ARID5B: variants seen among roughly 807,000 people sequenced by gnomAD.
The protein encoded by ARID5B is AT-rich interaction domain 5B.
A neutral mutation model predicts 97.2 loss-of-function variants in ARID5B; 13 were observed. That is an observed-to-expected ratio of 0.13 (90% CI 0.09 to 0.21). ARID5B has a LOEUF of 0.21. Among genes scored for constraint, ARID5B ranks in the 10% least tolerant of loss-of-function variants. The pLI, the probability that ARID5B is intolerant of heterozygous loss-of-function variation, is 1.00. For synonymous variants in ARID5B, 556 were observed against 570.3 expected, an observed-to-expected ratio of 0.97 and a Z score of 0.36; for missense variants, 1,210 against 1,465.3, an observed-to-expected ratio of 0.83 and a Z score of 2.84.
chr10:62,089,739 G>T (rs1383503566), intron 9 of ARID5B, among the ~76,000 whole-genome samples: 1 of 151,904 alleles, frequency 6.6e-6, no homozygotes, highest in Non-Finnish European at 1.5e-5. Flanking sequence ...TGTTGACCAG[G>T]CTGGTCTTGA....
chr10:61,991,946 C>G (rs565444711), intron 3 of ARID5B, among the ~76,000 whole-genome samples: 64 of 152,108 alleles, frequency 4.2e-4, no homozygotes, highest in Non-Finnish European at 8.7e-4. Flanking sequence ...GTAGGAGAAT[C>G]GCTTGAACCC....
chr10:62,076,574 A>C (rs1230933633), intron 8 of ARID5B, among the ~76,000 whole-genome samples: 1 of 151,752 alleles, frequency 6.6e-6, no homozygotes, highest in Non-Finnish European at 1.5e-5. Context: ...AAAAAAAAAA[A>C]AAAACTACAT....
At chr10:61,996,450 G>A (rs1838998000) in intron 3 of ARID5B, among the ~76,000 whole-genome samples, 1 of 152,106 alleles carries the variant, frequency 6.6e-6, no homozygotes, top group African/African-American at 2.4e-5. Flanking sequence ...AGCTACTCAG[G>A]AGGCAGAGGT....
In ARID5B at chr10:62,096,187, GT is replaced by G. The variant is rs1235746381; in HGVS notation, c.*3160del. ...TGTTTATCAGGGCATATACAGAAGG[GT>G]TTGTTAAAACTCGATGTTAACTTTA... is the stretch of plus-strand genomic sequence containing the variant. On this transcript the variant is annotated 3_prime_UTR_variant, in exon 10 of 10. Coordinates refer to ENST00000279873, the MANE Select transcript of ARID5B (RefSeq NM_032199.3). The G allele has an allele frequency of 4.3e-6, 1 of 233,484 alleles. No individual in the cohort carries two copies. The highest frequency in any genetic ancestry group is 8.5e-6 in the Non-Finnish European group (1 of 118,014). The allele number at this position is 233,484 out of a possible 1,614,324, so 14.5% of individuals were successfully genotyped here.
intron 2 of ARID5B, among the ~76,000 whole-genome samples, chr10:61,911,765 G>A (rs1843808825): frequency 6.6e-6 from 1 of 152,128 alleles, no homozygotes; most frequent in Admixed American, 6.5e-5. Context: ...CGGGCAGAAG[G>A]GTGCCTTTGT....
chr10:62,004,816 A>G (rs1468354132), intron 4 of ARID5B, among the ~76,000 whole-genome samples: 1 of 152,230 alleles, frequency 6.6e-6, no homozygotes, highest in Non-Finnish European at 1.5e-5. Context: ...GTTGACAGCT[A>G]AATCCAAACA....
rs769283816 is a variant in ARID5B, at chr10:62,092,373, A to G, written c.2910A>G (p.Glu970=). The G allele has an allele frequency of 6.2e-7, 1 of 1,614,200 alleles. No individual in the cohort carries two copies. Among genetic ancestry groups the G allele is most frequent in the Non-Finnish European group, 8.5e-7 (1 of 1,180,022 alleles). Residue 970 remains glutamate (E), a synonymous_variant, in exon 10 of 10, where the codon GAA becomes GAG. Transcript: ENST00000279873. ...MTMSGPKKYP[E]SLSRSGKPHH... Reference sequence around the variant, plus strand: ...TGTCAGGCCCTAAAAAATACCCTGAATCGCTTTCAAGATCAGGAAAACCTC... The same window carrying G: ...TGTCAGGCCCTAAAAAATACCCTGAGTCGCTTTCAAGATCAGGAAAACCTC...
chr10:61,939,715 T>C (rs557071664), intron 2 of ARID5B, among the ~76,000 whole-genome samples: 52 of 152,326 alleles, frequency 3.4e-4, no homozygotes, highest in African/African-American at 1.2e-3. Context: ...CAAGGGAAAA[T>C]GTACCATAAA....
intron 4 of ARID5B, among the ~76,000 whole-genome samples, chr10:62,035,471 T>A (rs536132569): frequency 1.3e-5 from 2 of 152,142 alleles, no homozygotes; most frequent in Non-Finnish European, 2.9e-5. Flanking sequence ...AAAGCATGCT[T>A]GTTTTTTGCA....
chr10:61,916,868 G>C (rs16916848), intron 2 of ARID5B, among the ~76,000 whole-genome samples: 3 of 152,038 alleles, frequency 2.0e-5, no homozygotes, highest in African/African-American at 7.3e-5. Context: ...CTAGGAACAA[G>C]GAAGCCACAG....
chr10:61,916,197 G>A (rs987714330), intron 2 of ARID5B, among the ~76,000 whole-genome samples: 23 of 152,304 alleles, frequency 1.5e-4, no homozygotes, highest in African/African-American at 5.5e-4. Flanking sequence ...GGGATTGCAG[G>A]CAGGTGCCAC....
chr10:61,974,229 G>A (rs568096582), intron 3 of ARID5B, among the ~76,000 whole-genome samples: 4 of 152,276 alleles, frequency 2.6e-5, no homozygotes, highest in East Asian at 1.9e-4. Flanking sequence ...TACAAATAAC[G>A]CAAAGTGATT....
At chr10:62,090,359 C>CA (rs1840351680) in intron 9 of ARID5B, among the ~76,000 whole-genome samples, 1 of 152,134 alleles carries the variant, frequency 6.6e-6, no homozygotes, top group Admixed American at 6.5e-5. Flanking sequence ...ATATTGAATA[C>CA]ATTGGGAAGG....
chr10:62,052,784 C>T (rs186225371), intron 5 of ARID5B, among the ~76,000 whole-genome samples: 68 of 151,888 alleles, frequency 4.5e-4, no homozygotes, highest in African/African-American at 1.4e-3. Context: ...ACTCCATCCC[C>T]GCAACAGTGC....
At chr10:62,081,055 C>A in intron 8 of ARID5B, among the ~76,000 whole-genome samples, 1 of 152,156 alleles carries the variant, frequency 6.6e-6, no homozygotes, top group East Asian at 1.9e-4. Flanking sequence ...CGACTGCCTC[C>A]GCCTGCCAAA....
rs1446678326 is a variant in ARID5B, at chr10:62,092,162, C to T, written c.2699C>T (p.Pro900Leu). The T allele has an allele frequency of 6.2e-7, 1 of 1,609,082 alleles. No homozygotes were observed. Among genetic ancestry groups the T allele is most frequent in the Admixed American group, 1.7e-5 (1 of 59,098 alleles). Residue 900 changes from proline to leucine, a missense_variant, in exon 10 of 10, where the codon CCT (proline) becomes CTT (leucine). Pro to Leu is a moderately conservative substitution (Grantham distance 98). This residue lies in a region of ARID5B where 800 missense variants were observed against 839.1 expected (regional missense o/e 0.95). Coordinates refer to ENST00000279873, the MANE Select transcript of ARID5B (RefSeq NM_032199.3). ...QDKKSAAAEA[P>L]TDDQPTDLSL... ...AAAAAGTCGGCGGCAGCAGAAGCCC[C>T]TACGGATGATCAGCCTACAGATCTG...
intron 7 of ARID5B, among the ~76,000 whole-genome samples, chr10:62,061,345 A>G (rs1032259831): frequency 6.6e-6 from 1 of 152,248 alleles, no homozygotes; most frequent in African/African-American, 2.4e-5. Context: ...CCTTCCAGAA[A>G]GAGAGAATGA....
chr10:62,010,073 C>T (rs1275742412), intron 4 of ARID5B, among the ~76,000 whole-genome samples: 1 of 152,170 alleles, frequency 6.6e-6, no homozygotes, highest in South Asian at 2.1e-4. Flanking sequence ...ACTTGTGAGT[C>T]CTCTCACAGA....
intron 4 of ARID5B, among the ~76,000 whole-genome samples, chr10:62,012,180 C>T (rs1422925445): frequency 2.0e-5 from 3 of 152,100 alleles, no homozygotes; most frequent in Non-Finnish European, 2.9e-5. Context: ...CATTATCTTG[C>T]TTAATCATTA....
Sources: gnomAD v4.1 joint callset for allele counts (sites outside exome capture counted in the v4.1 genomes callset) on GRCh38, gnomAD v4.1.1 for gene constraint, gnomAD v4.1.1 regional missense constraint, MANE v1.5 for transcripts, NCBI Gene and HGNC (gene_info 2026-07-23, HGNC 2026-07-21) for gene names.